CNTN5: variants seen among roughly 807,000 people sequenced by gnomAD.
The protein encoded by CNTN5 is contactin-5.
CNTN5 carries 77 observed loss-of-function variants against 129.1 expected under a neutral mutation model. The observed-to-expected ratio is 0.60, with a 90% CI of 0.50 to 0.72. The LOEUF is 0.72. CNTN5 is among the 30% of genes least tolerant of loss of function. CNTN5 has a pLI of 0.00. For missense variants in CNTN5, 1,478 were observed against 1,328.8 expected, an observed-to-expected ratio of 1.11 and a Z score of -1.75; for synonymous variants, 509 against 465.6, an observed-to-expected ratio of 1.09 and a Z score of -1.20.
Position 99,559,998 on chromosome 11 carries a change from G to A in CNTN5, c.55+3729G>A, listed in dbSNP as rs80320735. Among the ~76,000 whole-genome samples, 743 of 152,242 alleles carry A rather than the reference G, an allele frequency of 4.9e-3. 41 individuals carry two copies. The East Asian group carries it at 0.11, about 23-fold the overall frequency. ...ATTTTCTTTATATAACAACTGGAAA[G>A]AGAAAAGCTGTGGAGACTATAAACA... On this transcript the variant is annotated intron_variant, in intron 3 of 24. Transcript: ENST00000524871.
intron 7 of CNTN5, among the ~76,000 whole-genome samples, chr11:99,933,601 G>A (rs1290342422): frequency 6.6e-6 from 1 of 152,148 alleles, no homozygotes; most frequent in Non-Finnish European, 1.5e-5. Flanking sequence ...TCTACAGTAT[G>A]CTCCTCTCAC....
intron 14 of CNTN5, among the ~76,000 whole-genome samples, chr11:100,191,693 C>T (rs946101201): frequency 2.0e-5 from 3 of 151,952 alleles, no homozygotes; most frequent in South Asian, 2.1e-4. Flanking sequence ...TATAGGACTT[C>T]GCATTAGATA....
At chr11:100,291,248 C>A (rs1950959320) in intron 18 of CNTN5, among the ~76,000 whole-genome samples, 1 of 151,508 alleles carries the variant, frequency 6.6e-6, no homozygotes, top group Admixed American at 6.6e-5. Flanking sequence ...CCCAGCCATC[C>A]CATTACTGGG....
At chr11:99,758,122 T>C (rs949870306) in intron 3 of CNTN5, among the ~76,000 whole-genome samples, 1 of 152,062 alleles carries the variant, frequency 6.6e-6, no homozygotes, top group African/African-American at 2.4e-5. Context: ...GCTAGCAGTA[T>C]ATTTCTCCAA....
At chr11:99,853,036 C>A (rs915047424) in intron 6 of CNTN5, among the ~76,000 whole-genome samples, 40 of 151,952 alleles carry the variant, frequency 2.6e-4, no homozygotes, top group African/African-American at 8.7e-4. Context: ...TATAAAGACA[C>A]CAATATAGTA....
intron 3 of CNTN5, among the ~76,000 whole-genome samples, chr11:99,782,595 A>AACCAAAACAGCATGGTACTGGT (rs1565525209): frequency 9.9e-5 from 15 of 151,844 alleles, no homozygotes; most frequent in African/African-American, 3.6e-4. Flanking sequence ...AGGCTACAGT[A>AACCAAAACAGCATGGTACTGGT]ACCAAAACAG....
intron 13 of CNTN5, among the ~76,000 whole-genome samples, chr11:100,155,658 A>T (rs1236106146): frequency 6.6e-6 from 1 of 152,032 alleles, no homozygotes; most frequent in African/African-American, 2.4e-5. Flanking sequence ...ATGCACATGG[A>T]ATGTTTTTCC....
chr11:100,327,314 C>T (rs1951809311), intron 21 of CNTN5, among the ~76,000 whole-genome samples: 1 of 152,160 alleles, frequency 6.6e-6, no homozygotes, highest in African/African-American at 2.4e-5. Flanking sequence ...GCATCAAGTG[C>T]ACCACACACG....
intron 1 of CNTN5, among the ~76,000 whole-genome samples, chr11:99,240,820 C>G (rs1166861517): frequency 6.6e-6 from 1 of 152,088 alleles, no homozygotes; most frequent in Non-Finnish European, 1.5e-5. Flanking sequence ...GGCAAAGATT[C>G]TATTTGGATT....
chr11:99,987,362 A>G (rs1006292394), intron 8 of CNTN5, among the ~76,000 whole-genome samples: 2 of 151,932 alleles, frequency 1.3e-5, no homozygotes, highest in Non-Finnish European at 2.9e-5. Flanking sequence ...TGGTTTTACC[A>G]AAAAAAGAAA....
chr11:100,291,200 C>G (rs1200908385), intron 18 of CNTN5, among the ~76,000 whole-genome samples: 1 of 150,246 alleles, frequency 6.7e-6, no homozygotes, highest in Non-Finnish European at 1.5e-5. Flanking sequence ...GTCAGTGTGG[C>G]GATTCCTCAG....
chr11:100,247,110 GT>G (rs2138698801), intron 16 of CNTN5, among the ~76,000 whole-genome samples: 1 of 152,314 alleles, frequency 6.6e-6, no homozygotes, highest in South Asian at 2.1e-4. Context: ...AGGCAAGGCA[GT>G]CAGAGAAGTC....
At chr11:99,656,467 A>C in intron 3 of CNTN5, among the ~76,000 whole-genome samples, 1 of 152,174 alleles carries the variant, frequency 6.6e-6, no homozygotes, top group South Asian at 2.1e-4. Flanking sequence ...AGAGGAAAGA[A>C]AGCTAAATGC....
intron 2 of CNTN5, among the ~76,000 whole-genome samples, chr11:99,468,987 AT>A (rs1274656451): frequency 1.3e-5 from 2 of 152,110 alleles, no homozygotes; most frequent in East Asian, 3.8e-4. Context: ...CTTATTTTTG[AT>A]ATTTACTCCT....
chr11:99,021,163 C>T lies in CNTN5; in HGVS notation c.-317C>T, dbSNP rs1862855416. On this transcript the variant is annotated 5_prime_UTR_variant, in exon 1 of 25. It introduces an in-frame stop codon into an upstream open reading frame of the 5' UTR. Transcript: ENST00000524871. Reference sequence around the variant, plus strand: ...CGCAATTCGCCTCTGCCACAGGCTGCAAAGGACCCGAGGAACCGCTCTCTC... The same window carrying T: ...CGCAATTCGCCTCTGCCACAGGCTGTAAAGGACCCGAGGAACCGCTCTCTC... 1 of 152,560 alleles carries T rather than the reference C, an allele frequency of 6.6e-6. No homozygotes were observed. The highest frequency in any genetic ancestry group is 1.9e-4 in the East Asian group (1 of 5,176). 9.5% of individuals were successfully genotyped at this position (152,560 alleles called of 1,614,324 possible). A position where few individuals can be genotyped will look rare whatever the true frequency, so the allele number is the denominator to read the frequency against.
chr11:99,684,970 T>G (rs776917306), intron 3 of CNTN5, among the ~76,000 whole-genome samples: 2 of 151,098 alleles, frequency 1.3e-5, no homozygotes, highest in Non-Finnish European at 3.0e-5. Flanking sequence ...TATTTTTTAT[T>G]TTTTAGTTTA....
intron 16 of CNTN5, among the ~76,000 whole-genome samples, chr11:100,232,082 A>AG (rs1233371327): frequency 6.6e-6 from 1 of 152,116 alleles, no homozygotes; most frequent in Non-Finnish European, 1.5e-5. Flanking sequence ...TGAACCTGGG[A>AG]GGGGGAGGTT....
At position 99,719,093 on chromosome 11, in the gene CNTN5, T is replaced by TG. The variant is rs1427465271; in HGVS notation, c.56-100449dup. 2.0e-5 allele frequency among the ~76,000 whole-genome samples: 3 copies of TG among 152,020 alleles called. No homozygotes were observed. In the East Asian group the frequency reaches 5.8e-4, roughly 30 times the overall value. On this transcript the variant is annotated intron_variant, in intron 3 of 24. Transcript: ENST00000524871. ...CAGCACTTTGGGAGGCCGAAGCAGG[T>TG]GGATCACTTGAGGCCAGGAGTTCGA...
chr11:99,930,802 C>CAA, intron 7 of CNTN5, among the ~76,000 whole-genome samples: 1 of 151,540 alleles, frequency 6.6e-6, no homozygotes, highest in Admixed American at 6.6e-5. Flanking sequence ...CACAAACACA[C>CAA]ACACACACAC....
Sources: gnomAD v4.1 joint callset for allele counts (sites outside exome capture counted in the v4.1 genomes callset) on GRCh38, gnomAD v4.1.1 for gene constraint, MANE v1.5 for transcripts, NCBI Gene and HGNC (gene_info 2026-07-23, HGNC 2026-07-21) for gene names.